The following WWOX variants were observed in gnomAD, a reference collection of about 807,000 sequenced individuals.
WWOX encodes WW domain containing oxidoreductase.
Under a neutral mutation model 46.2 loss-of-function variants are expected in WWOX, and 69 were observed. The ratio of observed to expected loss-of-function variants is 1.49; its 90% CI spans 1.23 to 1.82. WWOX has a LOEUF of 1.82. Among genes scored for constraint, WWOX ranks in the 40% most tolerant of loss-of-function variants. WWOX has a pLI of 0.00. For missense variants in WWOX, 919 were observed against 542.6 expected, an observed-to-expected ratio of 1.69 and a Z score of -6.89; for synonymous variants, 359 against 202.6, an observed-to-expected ratio of 1.77 and a Z score of -6.56.
chr16:78,443,758 C>G (rs945090260), intron 8 of WWOX, among the ~76,000 whole-genome samples: 7 of 152,144 alleles, frequency 4.6e-5, no homozygotes, highest in African/African-American at 1.4e-4. Flanking sequence ...AATGTGCTGC[C>G]TCTTTATAAC....
chr16:78,789,630 G>T (rs1465711242), intron 8 of WWOX, among the ~76,000 whole-genome samples: 1 of 151,874 alleles, frequency 6.6e-6, no homozygotes, highest in Non-Finnish European at 1.5e-5. Flanking sequence ...GGGTATTCTG[G>T]GTCCCTTGTA....
At chr16:78,606,728 T>G (rs888090970) in intron 8 of WWOX, among the ~76,000 whole-genome samples, 3 of 150,350 alleles carry the variant, frequency 2.0e-5, no homozygotes, top group Admixed American at 1.3e-4. Context: ...GTTTTTTTTT[T>G]TTTTTTTTTT....
chr16:78,702,643 A>G (rs1463141460), intron 8 of WWOX, among the ~76,000 whole-genome samples: 1 of 149,090 alleles, frequency 6.7e-6, no homozygotes, highest in East Asian at 2.0e-4. Context: ...CAACAGAGCA[A>G]GACTCTGTCT....
chr16:79,168,696 C>A (rs966569125), intron 8 of WWOX, among the ~76,000 whole-genome samples: 1 of 152,034 alleles, frequency 6.6e-6, no homozygotes, highest in Admixed American at 6.6e-5. Flanking sequence ...TTTTGTGAAG[C>A]CCCTCAGGGA....
Position 78,246,847 on chromosome 16 carries a change from G to A in WWOX, c.516+82558G>A, listed in dbSNP as rs561660946. On this transcript the variant is annotated intron_variant, in intron 5 of 8. Transcript: ENST00000566780. Reference sequence around the variant, plus strand: ...GCGAGCAATTGATCAGCTGATGAGGGGTATTTATTATCTGTCCCTGACTCC... The same window carrying A: ...GCGAGCAATTGATCAGCTGATGAGGAGTATTTATTATCTGTCCCTGACTCC... Among the ~76,000 whole-genome samples, 3 of 151,896 alleles carry A rather than the reference G, an allele frequency of 2.0e-5. No individual in the cohort carries two copies. In the South Asian group the frequency reaches 6.3e-4, roughly 32 times the overall value.
chr16:78,385,535 A>G (rs918087767), intron 5 of WWOX, among the ~76,000 whole-genome samples: 4 of 152,178 alleles, frequency 2.6e-5, no homozygotes, highest in African/African-American at 9.6e-5. Context: ...TCTAGCTGTC[A>G]CTGCCTGATG....
intron 8 of WWOX, among the ~76,000 whole-genome samples, chr16:78,881,663 C>G (rs184596926): frequency 1.3e-5 from 2 of 152,216 alleles, no homozygotes; most frequent in Admixed American, 1.3e-4. Flanking sequence ...GTGTTAAATA[C>G]AGATAGACAA....
chr16:78,473,275 A>C (rs2084272947), intron 8 of WWOX, among the ~76,000 whole-genome samples: 1 of 152,134 alleles, frequency 6.6e-6, no homozygotes, highest in African/African-American at 2.4e-5. Flanking sequence ...GAGTATAGAC[A>C]CGTGGCACCA....
chr16:78,253,144 T>C (rs1434577912), intron 5 of WWOX, among the ~76,000 whole-genome samples: 1 of 152,158 alleles, frequency 6.6e-6, no homozygotes, highest in African/African-American at 2.4e-5. Flanking sequence ...TTTTGAAAGA[T>C]TTTTGGTATT....
At chr16:78,510,765 A>G (rs2085341862) in intron 8 of WWOX, among the ~76,000 whole-genome samples, 1 of 152,248 alleles carries the variant, frequency 6.6e-6, no homozygotes. Context: ...ATATTCACAC[A>G]CACCCTTTCA....
chr16:78,773,324 C>T (rs994186543), intron 8 of WWOX, among the ~76,000 whole-genome samples: 19 of 152,182 alleles, frequency 1.2e-4, no homozygotes, highest in African/African-American at 4.6e-4. Flanking sequence ...CATTAGCACT[C>T]CCTATCCCTA....
At chr16:78,953,553 G>T (rs947110785) in intron 8 of WWOX, among the ~76,000 whole-genome samples, 1 of 152,114 alleles carries the variant, frequency 6.6e-6, no homozygotes, top group South Asian at 2.1e-4. Flanking sequence ...CAGAGTCATT[G>T]CCCCAGGGGA....
At chr16:78,312,714 A>G (rs1336643476) in intron 5 of WWOX, among the ~76,000 whole-genome samples, 2 of 152,116 alleles carry the variant, frequency 1.3e-5, no homozygotes, top group Admixed American at 6.5e-5. Context: ...CAACTGTAGG[A>G]TTTCTCTGCA....
intron 8 of WWOX, among the ~76,000 whole-genome samples, chr16:79,156,234 T>C (rs2050378930): frequency 6.6e-6 from 1 of 152,186 alleles, no homozygotes; most frequent in Non-Finnish European, 1.5e-5. Flanking sequence ...CAATTTCAGC[T>C]CACTGCAACC....
chr16:78,686,072 T>A (rs2047849594), intron 8 of WWOX, among the ~76,000 whole-genome samples: 1 of 151,946 alleles, frequency 6.6e-6, no homozygotes, highest in South Asian at 2.1e-4. Flanking sequence ...GCAAGTAGAT[T>A]TGGGATCTAT....
At chr16:78,680,702 G>T (rs1022396909) in intron 8 of WWOX, among the ~76,000 whole-genome samples, 3 of 152,200 alleles carry the variant, frequency 2.0e-5, no homozygotes, top group Non-Finnish European at 4.4e-5. Flanking sequence ...GGCTCCCACT[G>T]TGGGTAGCAC....
chr16:79,120,327 GC>G (rs1567563044), intron 8 of WWOX, among the ~76,000 whole-genome samples: 1 of 152,154 alleles, frequency 6.6e-6, no homozygotes, highest in African/African-American at 2.4e-5. Flanking sequence ...GCTGTCAGGC[GC>G]ATTTACCCTA....
chr16:78,323,405 G>A (rs561639315), intron 5 of WWOX, among the ~76,000 whole-genome samples: 8 of 152,224 alleles, frequency 5.3e-5, no homozygotes, highest in Admixed American at 2.0e-4. Flanking sequence ...GCGCCCGGCC[G>A]GGGATCTTGT....
intron 8 of WWOX, among the ~76,000 whole-genome samples, chr16:79,125,033 A>G (rs367706756): frequency 7.0e-6 from 1 of 142,462 alleles, no homozygotes; most frequent in African/African-American, 2.7e-5. Context: ...TGACTCTGAA[A>G]CCTATTTTCC....
Sources: allele counts gnomAD v4.1 joint callset (sites outside exome capture counted in the v4.1 genomes callset), GRCh38; gene constraint gnomAD v4.1.1; transcripts MANE v1.5; gene names NCBI Gene and HGNC (gene_info 2026-07-23, HGNC 2026-07-21).